Variants in NLGN1 observed in about 807,000 individuals in gnomAD.
The protein encoded by NLGN1 is neuroligin 1.
NLGN1 carries 12 observed loss-of-function variants against 65.5 expected under a neutral mutation model. The observed-to-expected ratio is 0.18, with a 90% CI of 0.12 to 0.30. The LOEUF is 0.30. NLGN1 is among the 10% of genes least tolerant of loss of function. The pLI is 1.00. For synonymous variants in NLGN1, 350 were observed against 359.5 expected, an observed-to-expected ratio of 0.97 and a Z score of 0.30; for missense variants, 750 against 1,007.1, an observed-to-expected ratio of 0.74 and a Z score of 3.46.
At chr3:173,530,847 A>G (rs1013323067) in intron 2 of NLGN1, among the ~76,000 whole-genome samples, 2 of 152,058 alleles carry the variant, frequency 1.3e-5, no homozygotes, top group Non-Finnish European at 2.9e-5. Context: ...TTATATTTAA[A>G]TGCTCTTTGC....
At chr3:173,978,875 G>A (rs866177368) in intron 4 of NLGN1, among the ~76,000 whole-genome samples, 1 of 147,412 alleles carries the variant, frequency 6.8e-6, no homozygotes, top group Non-Finnish European at 1.5e-5. Flanking sequence ...ACTTGTGGCA[G>A]ACATCTGTAA....
intron 4 of NLGN1, among the ~76,000 whole-genome samples, chr3:174,023,672 T>G (rs1728228863): frequency 6.6e-6 from 1 of 152,020 alleles, no homozygotes; most frequent in Non-Finnish European, 1.5e-5. Flanking sequence ...AGTCTTTGAG[T>G]GGTTGGAGCG....
At chr3:173,781,143 T>TAAAAAAAAAAAAAA (rs1350781127) in intron 3 of NLGN1, among the ~76,000 whole-genome samples, 2 of 7,960 alleles carry the variant, frequency 2.5e-4, no homozygotes, top group African/African-American at 8.5e-4. Context: ...AGACTCCGTC[T>TAAAAAAAAAAAAAA]CAAAAAAAAA....
intron 2 of NLGN1, among the ~76,000 whole-genome samples, chr3:173,572,502 A>G (rs1744812143): frequency 6.6e-6 from 1 of 152,248 alleles, no homozygotes; most frequent in African/African-American, 2.4e-5. Context: ...AAGAATTTCC[A>G]ATATTGCTTG....
At chr3:173,899,626 G>T (rs184169220) in intron 4 of NLGN1, among the ~76,000 whole-genome samples, 1 of 152,160 alleles carries the variant, frequency 6.6e-6, no homozygotes, top group Admixed American at 6.5e-5. Flanking sequence ...GAAAGTTACA[G>T]GAAATCCAAA....
intron 4 of NLGN1, among the ~76,000 whole-genome samples, chr3:174,040,272 G>A (rs6767848): frequency 0.22 from 32,967 of 151,932 alleles, 4,754 homozygotes; most frequent in African/African-American, 0.41. Context: ...GGGGAATGAC[G>A]GAGAGAGCAG....
intron 2 of NLGN1, among the ~76,000 whole-genome samples, chr3:173,467,911 A>G (rs1305566625): frequency 6.6e-6 from 1 of 152,162 alleles, no homozygotes; most frequent in East Asian, 1.9e-4. Flanking sequence ...AGGCAATCTA[A>G]GGCATAGTTG....
chr3:173,995,366 A>G (rs1362864536), intron 4 of NLGN1, among the ~76,000 whole-genome samples: 1 of 152,140 alleles, frequency 6.6e-6, no homozygotes, highest in Non-Finnish European at 1.5e-5. Flanking sequence ...AAACATGGCC[A>G]CTCCTCAGTT....
chr3:173,490,936 A>T (rs1729027487), intron 2 of NLGN1, among the ~76,000 whole-genome samples: 1 of 150,652 alleles, frequency 6.6e-6, no homozygotes, highest in African/African-American at 2.5e-5. Context: ...ATTTTTGCAC[A>T]TTGATTTTGT....
chr3:173,939,032 G>A (rs924874190), intron 4 of NLGN1, among the ~76,000 whole-genome samples: 2 of 152,120 alleles, frequency 1.3e-5, no homozygotes, highest in Non-Finnish European at 2.9e-5. Flanking sequence ...TTTAAAGTAT[G>A]ACTGAACACA....
chr3:173,671,910 C>A (rs1018215602), intron 3 of NLGN1, among the ~76,000 whole-genome samples: 3 of 151,508 alleles, frequency 2.0e-5, no homozygotes, highest in African/African-American at 4.9e-5. Context: ...CGTGGTGGCT[C>A]ACACCTCTAA....
intron 2 of NLGN1, among the ~76,000 whole-genome samples, chr3:173,564,735 C>A (rs1743346694): frequency 6.6e-6 from 1 of 152,212 alleles, no homozygotes; most frequent in Non-Finnish European, 1.5e-5. Context: ...AGAAGTCAAT[C>A]ATTGTTGCTG....
chr3:173,516,388 T>C (rs1378393743), intron 2 of NLGN1, among the ~76,000 whole-genome samples: 1 of 152,018 alleles, frequency 6.6e-6, no homozygotes, highest in Non-Finnish European at 1.5e-5. Context: ...AGCCAGAGAT[T>C]TATCAAATTC....
chr3:173,903,882 T>A (rs1333007093), intron 4 of NLGN1, among the ~76,000 whole-genome samples: 1 of 152,166 alleles, frequency 6.6e-6, no homozygotes, highest in East Asian at 1.9e-4. Context: ...CAAATCCTGA[T>A]GTGCCCTCTA....
intron 4 of NLGN1, among the ~76,000 whole-genome samples, chr3:173,900,909 T>G (rs541476440): frequency 6.6e-6 from 1 of 151,964 alleles, no homozygotes; most frequent in Non-Finnish European, 1.5e-5. Context: ...CTAGCAATTA[T>G]GAAATGACGT....
intron 4 of NLGN1, among the ~76,000 whole-genome samples, chr3:174,008,822 G>C (rs909466563): frequency 9.9e-5 from 2 of 20,226 alleles, no homozygotes; most frequent in Non-Finnish European, 2.2e-4. Context: ...CTTGGAAAGA[G>C]ATTAAAAAAA....
intron 1 of NLGN1, among the ~76,000 whole-genome samples, chr3:173,405,513 T>C (rs1718466594): frequency 6.6e-6 from 1 of 152,056 alleles, no homozygotes; most frequent in African/African-American, 2.4e-5. Flanking sequence ...TAATTATACA[T>C]GATCCTCGTT....
intron 1 of NLGN1, among the ~76,000 whole-genome samples, chr3:173,431,479 G>A (rs1006059824): frequency 6.6e-6 from 1 of 152,036 alleles, no homozygotes; most frequent in Non-Finnish European, 1.5e-5. Context: ...TGACAAACCT[G>A]ATGAAATCAG....
At chr3:173,625,514 GA>G (rs1340308479) in intron 3 of NLGN1, among the ~76,000 whole-genome samples, 11 of 152,254 alleles carry the variant, frequency 7.2e-5, no homozygotes, top group Non-Finnish European at 1.2e-4. Flanking sequence ...AGGGCATGTG[GA>G]AAAGTGGAGA....
Sources: gnomAD v4.1 joint callset for allele counts (sites outside exome capture counted in the v4.1 genomes callset) on GRCh38, gnomAD v4.1.1 for gene constraint, MANE v1.5 for transcripts, NCBI Gene and HGNC (gene_info 2026-07-23, HGNC 2026-07-21) for gene names.